ARID5B: variants seen among roughly 807,000 people sequenced by gnomAD.
ARID5B encodes AT-rich interaction domain 5B, also known as AT-rich interactive domain-containing protein 5B.
In ARID5B, 13 loss-of-function variants were observed where a neutral mutation model predicts 97.2. The ratio of observed to expected loss-of-function variants is 0.13; its 90% CI spans 0.09 to 0.21. The LOEUF (loss-of-function observed/expected upper bound fraction) is 0.21, where lower values mean the gene tolerates loss of function less well. Among genes scored for constraint, ARID5B ranks in the 10% least tolerant of loss-of-function variants. The pLI is 1.00. For synonymous variants in ARID5B, 556 were observed against 570.3 expected, an observed-to-expected ratio of 0.97 and a Z score of 0.36; for missense variants, 1,210 against 1,465.3, an observed-to-expected ratio of 0.83 and a Z score of 2.84.
chr10:62,046,045 G>A (rs1015081591), intron 4 of ARID5B, among the ~76,000 whole-genome samples: 4 of 152,172 alleles, frequency 2.6e-5, no homozygotes, highest in Non-Finnish European at 5.9e-5. Context: ...TCTCTGAGTG[G>A]AAGCTCACAA....
At chr10:61,968,640 A>G (rs1838581236) in intron 3 of ARID5B, among the ~76,000 whole-genome samples, 1 of 152,194 alleles carries the variant, frequency 6.6e-6, no homozygotes, top group Non-Finnish European at 1.5e-5. Flanking sequence ...ACCCATGTCT[A>G]AAACAGAAGA....
Position 62,093,181 on chromosome 10 carries a change from C to T in ARID5B, c.*151C>T. 8.3e-7 allele frequency: 1 copy of T among 1,211,536 alleles called. No homozygotes were observed. Among genetic ancestry groups the T allele is most frequent in the Non-Finnish European group, 1.1e-6 (1 of 894,512 alleles). The allele number at this position is 1,211,536 out of a possible 1,614,324, so 75.0% of individuals were successfully genotyped here. A position where few individuals can be genotyped will look rare whatever the true frequency, so the allele number is the denominator to read the frequency against. ...TGTAGGGGCCCAGAGGGGAGGTGAA[C>T]ATGCCTGATTTTTGTGGGACAACTC... On this transcript the variant is annotated 3_prime_UTR_variant, in exon 10 of 10. Transcript: ENST00000279873.
In ARID5B at chr10:62,091,244, CCTTCCCCAG is replaced by C. The variant is rs752031049; in HGVS notation, c.1790_1798del (p.Ser597_Pro599del). 16 of 1,614,160 alleles carry C rather than the reference CCTTCCCCAG, an allele frequency of 9.9e-6. No homozygotes were observed. The highest frequency in any genetic ancestry group is 1.3e-5 in the African/African-American group (1 of 75,054). ...CCTGAAAGTGAACCCCAAGAAGCAT[CCTTCCCCAG>C]CTTCCCCACCACACAGCCACCGCTG... is the stretch of plus-strand genomic sequence containing the variant. On this transcript the variant is annotated inframe_deletion, in exon 10 of 10. Transcript: ENST00000279873.
chr10:61,990,020 C>A (rs774270515), intron 3 of ARID5B, among the ~76,000 whole-genome samples: 9 of 152,102 alleles, frequency 5.9e-5, no homozygotes, highest in Non-Finnish European at 1.2e-4. Flanking sequence ...GGAGTAGTAT[C>A]TAAGTTGAAG....
chr10:62,003,825 C>T (rs1273469599), intron 4 of ARID5B, among the ~76,000 whole-genome samples: 1 of 152,148 alleles, frequency 6.6e-6, no homozygotes, highest in Non-Finnish European at 1.5e-5. Flanking sequence ...ACTGCCCATA[C>T]ACCCCTGCTC....
At position 61,976,291 on chromosome 10, in the gene ARID5B, G is replaced by A. The variant is rs1055181514; in HGVS notation, c.503-23800G>A. Among the ~76,000 whole-genome samples, 9 of 152,222 alleles carry A rather than the reference G, an allele frequency of 5.9e-5. No individual in the cohort carries two copies. In the South Asian group the frequency reaches 1.0e-3, roughly 18 times the overall value. On this transcript the variant is annotated intron_variant, in intron 3 of 9. Coordinates refer to ENST00000279873, the MANE Select transcript of ARID5B (RefSeq NM_032199.3). ...CTAATTAATTTAACTTTATATTGCC[G>A]CATGCAGCTATAATGGCAAAAACTG...
chr10:61,937,652 A>G (rs758403015), intron 2 of ARID5B, among the ~76,000 whole-genome samples: 4 of 152,218 alleles, frequency 2.6e-5, no homozygotes, highest in Non-Finnish European at 4.4e-5. Flanking sequence ...ATCCAGTGCT[A>G]ATTCTCAGTT....
intron 3 of ARID5B, among the ~76,000 whole-genome samples, chr10:61,972,207 C>G (rs1194054585): frequency 6.9e-6 from 1 of 145,948 alleles, no homozygotes; most frequent in Non-Finnish European, 1.5e-5. Flanking sequence ...TATACTGTAT[C>G]TCTAGTCTTA....
At chr10:61,934,305 T>A (rs1844261303) in intron 2 of ARID5B, among the ~76,000 whole-genome samples, 1 of 152,212 alleles carries the variant, frequency 6.6e-6, no homozygotes, top group Non-Finnish European at 1.5e-5. Flanking sequence ...CAGCAGTAAG[T>A]CTGTTTTGCC....
chr10:62,053,492 G>T (rs996387064), intron 5 of ARID5B, among the ~76,000 whole-genome samples: 3 of 152,218 alleles, frequency 2.0e-5, no homozygotes, highest in Non-Finnish European at 4.4e-5. Flanking sequence ...CAAGTGTCAC[G>T]TGGGGAGGAA....
At chr10:62,028,625 T>C (rs542772299) in intron 4 of ARID5B, among the ~76,000 whole-genome samples, 1 of 152,278 alleles carries the variant, frequency 6.6e-6, no homozygotes, top group East Asian at 1.9e-4. Flanking sequence ...TTCAAGGGGA[T>C]ATATTATATA....
chr10:62,007,211 G>A (rs1839157704), intron 4 of ARID5B, among the ~76,000 whole-genome samples: 1 of 152,190 alleles, frequency 6.6e-6, no homozygotes, highest in African/African-American at 2.4e-5. Flanking sequence ...CTTGATAAAT[G>A]AAGATTCTCT....
chr10:62,045,850 T>A lies in ARID5B; in HGVS notation c.734-5038T>A, dbSNP rs2132924324. 3.9e-5 allele frequency among the ~76,000 whole-genome samples: 6 copies of A among 152,352 alleles called. 1 individual carries two copies. The South Asian group carries it at 1.2e-3, about 32-fold the overall frequency. On this transcript the variant is annotated intron_variant, in intron 4 of 9. Coordinates refer to ENST00000279873, the MANE Select transcript of ARID5B (RefSeq NM_032199.3). ...TACATAGAACAATGTTTGTCTTCCC[T>A]AATACTGTGATCAGTGGAGTTTTGT...
In ARID5B at chr10:61,902,392, C is replaced by T; in HGVS notation, c.255C>T (p.Gly85=). 1 of 1,614,114 alleles carries T rather than the reference C, an allele frequency of 6.2e-7. No homozygotes were observed. The highest frequency in any genetic ancestry group is 8.5e-7 in the Non-Finnish European group (1 of 1,179,962). ...TCCTCCCAGAAGACACTCCCCAGGG[C>T]AGAAATAGCGACCATGGCGAGGTGG... is the stretch of plus-strand genomic sequence containing the variant. ...LYFLPEDTPQ[G]RNSDHGEDEV... is the part of the protein sequence containing the mutation. Residue 85 remains glycine (G), a synonymous_variant, in exon 2 of 10, where the codon GGC becomes GGT. Transcript: ENST00000279873.
At chr10:62,006,869 G>C (rs1005990950) in intron 4 of ARID5B, among the ~76,000 whole-genome samples, 4 of 152,266 alleles carry the variant, frequency 2.6e-5, no homozygotes, top group African/African-American at 9.6e-5. Context: ...ACCTTTTGTA[G>C]CTGAGTGGGC....
At chr10:61,927,212 G>A (rs1372739241) in intron 2 of ARID5B, among the ~76,000 whole-genome samples, 1 of 152,144 alleles carries the variant, frequency 6.6e-6, no homozygotes, top group Non-Finnish European at 1.5e-5. Flanking sequence ...TTTCATGGAT[G>A]CCTACTCTGT....
chr10:61,951,176 A>T (rs903037334), intron 3 of ARID5B, among the ~76,000 whole-genome samples: 2 of 152,220 alleles, frequency 1.3e-5, no homozygotes, highest in Admixed American at 6.5e-5. Context: ...CTTTTAGCTT[A>T]TTTTAATAAA....
At chr10:61,996,502 A>G (rs903948053) in intron 3 of ARID5B, among the ~76,000 whole-genome samples, 5 of 152,118 alleles carry the variant, frequency 3.3e-5, no homozygotes, top group Non-Finnish European at 7.4e-5. Context: ...TCCAGCCTGA[A>G]GAACAGAGAG....
At position 62,020,040 on chromosome 10, in the gene ARID5B, C is replaced by A. The variant is rs1316615524; in HGVS notation, c.733+19719C>A. Among the ~76,000 whole-genome samples, 9 of 152,218 alleles carry A rather than the reference C, an allele frequency of 5.9e-5. No homozygotes were observed. In the East Asian group the frequency reaches 1.7e-3, roughly 29 times the overall value. On this transcript the variant is annotated intron_variant, in intron 4 of 9. Transcript: ENST00000279873. ...CCCATAGAAGACCCTGCCTTACATT[C>A]AAAGAGGCTACCCTAACTTTCTGGC...
Sources: allele counts gnomAD v4.1 joint callset (sites outside exome capture counted in the v4.1 genomes callset), GRCh38; gene constraint gnomAD v4.1.1; transcripts MANE v1.5; gene names NCBI Gene and HGNC (gene_info 2026-07-23, HGNC 2026-07-21).